Variants in ABCB1 observed in about 807,000 individuals in gnomAD.
The protein encoded by ABCB1 is ATP-dependent translocase ABCB1.
ABCB1 carries 69 observed loss-of-function variants against 142.0 expected under a neutral mutation model. That is an observed-to-expected ratio of 0.49 (90% CI 0.40 to 0.59). The LOEUF (loss-of-function observed/expected upper bound fraction) is 0.59, where lower values mean the gene tolerates loss of function less well. Among genes scored for constraint, ABCB1 ranks in the 20% least tolerant of loss-of-function variants. The probability of loss-of-function intolerance (pLI) is 0.00; values close to 1 mark genes in which losing one functional copy is unlikely to be tolerated. For missense variants in ABCB1, 1,326 were observed against 1,554.7 expected (o/e 0.85, Z 2.47); for synonymous variants, 532 against 539.2 (o/e 0.99, Z 0.18).
intron 1 of ABCB1, among the ~76,000 whole-genome samples, chr7:87,685,197 G>A (rs1827338913): frequency 6.6e-6 from 1 of 152,010 alleles, no homozygotes; most frequent in South Asian, 2.1e-4. Flanking sequence ...TTTGACAAAG[G>A]GATTGTATGC....
chr7:87,545,188 C>A (rs2091766), intron 15 of ABCB1, among the ~76,000 whole-genome samples, 189 bp from the exon 16 acceptor site: 1 of 151,854 alleles, frequency 6.6e-6, no homozygotes, highest in African/African-American at 2.4e-5. Flanking sequence ...TATTTGAAAA[C>A]GAAAACCACC....
At chr7:87,561,166 T>C in intron 8 of ABCB1, 97 bp downstream of exon 8, 3 of 1,415,228 alleles carry the variant, frequency 2.1e-6, no homozygotes. Flanking sequence ...AAAACATATA[T>C]ATGGGAGAAA....
chr7:87,548,986 A>G (rs1816926367), intron 14 of ABCB1, among the ~76,000 whole-genome samples: 1 of 152,222 alleles, frequency 6.6e-6, no homozygotes, highest in South Asian at 2.1e-4. Context: ...CAATATTACA[A>G]ACTCTCAAAA....
chr7:87,546,385 A>G (rs1816779966), intron 14 of ABCB1, among the ~76,000 whole-genome samples: 3 of 152,080 alleles, frequency 2.0e-5, no homozygotes, highest in South Asian at 4.2e-4. Context: ...TCAGGAGATC[A>G]AGACCATCCT....
At chr7:87,602,016 C>G (rs371883081), upstream of ABCB1, among the ~76,000 whole-genome samples, 2 of 152,010 alleles carry the variant, frequency 1.3e-5, no homozygotes, top group African/African-American at 4.8e-5. Context: ...TTTTTTGAGA[C>G]GGAGTCTTGC....
chr7:87,522,678 A>AT (rs1359809533), intron 21 of ABCB1, among the ~76,000 whole-genome samples: 1 of 151,908 alleles, frequency 6.6e-6, no homozygotes, highest in African/African-American at 2.4e-5. Flanking sequence ...TTTAATGTAG[A>AT]TTTTTTTTGG....
intron 27 of ABCB1, 144 bp from the exon 28 acceptor site, chr7:87,504,593 G>T: frequency 9.2e-7 from 1 of 1,081,618 alleles, no homozygotes; most frequent in Non-Finnish European, 1.4e-6. Context: ...CAGATCACAA[G>T]GTCAGATTGA....
At chr7:87,628,277 G>A (rs914021641) in intron 1 of ABCB1, 4 of 152,364 alleles carry the variant, frequency 2.6e-5, no homozygotes, top group Middle Eastern at 3.4e-3. Flanking sequence ...TGAGCCCGCT[G>A]CTTTAAAAGG....
intron 6 of ABCB1, 25 bp downstream of exon 6, chr7:87,566,760 G>T (rs1817798514): frequency 1.2e-6 from 2 of 1,610,658 alleles, no homozygotes; most frequent in Non-Finnish European, 8.5e-7. Flanking sequence ...CGACACCCAA[G>T]TTCAACATAA....
At position 87,519,447 on chromosome 7, in the gene ABCB1, G is replaced by C; in HGVS notation, c.2806C>G (p.His936Asp). The C allele has an allele frequency of 6.2e-7, 1 of 1,614,020 alleles. No individual in the cohort carries two copies. Among genetic ancestry groups the C allele is most frequent in the Non-Finnish European group, 8.5e-7 (1 of 1,179,926 alleles). ...VPYRNSLRKAHIFGITFSFTQ... is the reference protein window; with the variant it reads ...VPYRNSLRKADIFGITFSFTQ... Reference sequence around the variant, plus strand: ...AAGGAAAATGTAATTCCAAAGATGTGTGCTTTCCTCAAAGAGTTTCTGAAA... The same window carrying C: ...AAGGAAAATGTAATTCCAAAGATGTCTGCTTTCCTCAAAGAGTTTCTGAAA... The change falls in exon 23 of 28, where the codon CAC (histidine) becomes GAC (aspartate). Residue 936 changes from histidine (H) to aspartate (D), a missense_variant. Physicochemically the swap from His to Asp is moderately conservative, Grantham distance 81. Transcript: ENST00000622132.
At chr7:87,506,158 C>A in intron 26 of ABCB1, 115 bp from the exon 27 acceptor site, 3 of 1,048,880 alleles carry the variant, frequency 2.9e-6, no homozygotes, top group Non-Finnish European at 4.3e-6. Flanking sequence ...GGTTCAGAAG[C>A]TAAGAATGGT....
intron 1 of ABCB1, among the ~76,000 whole-genome samples, chr7:87,611,222 C>T (rs1243390665): frequency 6.6e-6 from 1 of 152,190 alleles, no homozygotes; most frequent in East Asian, 1.9e-4. Flanking sequence ...CACTTCTCCC[C>T]TTATTCCTTC....
intron 1 of ABCB1, among the ~76,000 whole-genome samples, chr7:87,667,853 T>A (rs1825418002): frequency 6.6e-6 from 1 of 152,172 alleles, no homozygotes; most frequent in South Asian, 2.1e-4. Context: ...TCTTGATGGA[T>A]TAGCTTTTTG....
chr7:87,684,736 G>C (rs1005417899), intron 1 of ABCB1, among the ~76,000 whole-genome samples: 3 of 101,148 alleles, frequency 3.0e-5, no homozygotes, highest in African/African-American at 3.9e-5. Context: ...GACAGAGTGA[G>C]ACTCCGTCTC....
chr7:87,626,186 TGTGTCATATATA>T (rs1820477926), intron 1 of ABCB1, among the ~76,000 whole-genome samples: 2 of 126,210 alleles, frequency 1.6e-5, no homozygotes, highest in East Asian at 2.4e-4. Context: ...GTCATATATA[TGTGTCATATATA>T]TGTCATATAT....
At chr7:87,642,741 T>C (rs193121524) in intron 1 of ABCB1, among the ~76,000 whole-genome samples, 9 of 152,220 alleles carry the variant, frequency 5.9e-5, no homozygotes, top group African/African-American at 1.7e-4. Context: ...TCTAACGTTA[T>C]TTTTTATGTT....
At chr7:87,653,635 G>C (rs1474625688) in intron 1 of ABCB1, among the ~76,000 whole-genome samples, 1 of 151,946 alleles carries the variant, frequency 6.6e-6, no homozygotes, top group African/African-American at 2.4e-5. Context: ...ATCATATTGT[G>C]CTTTGGTCTT....
At chr7:87,504,609 T>C (rs956675335) in intron 27 of ABCB1, among the ~76,000 whole-genome samples, 160 bp from the exon 28 acceptor site, 6 of 152,066 alleles carry the variant, frequency 3.9e-5, no homozygotes, top group Non-Finnish European at 7.4e-5. Flanking sequence ...ATTGAGACCA[T>C]CCTGGCTAAC....
chr7:87,695,485 G>A (rs563463135), intron 1 of ABCB1, among the ~76,000 whole-genome samples: 1 of 152,184 alleles, frequency 6.6e-6, no homozygotes, highest in South Asian at 2.1e-4. Flanking sequence ...AGCTTTTGCA[G>A]TGACATCAGA....
Sources: allele counts gnomAD v4.1 joint callset (sites outside exome capture counted in the v4.1 genomes callset), GRCh38; gene constraint gnomAD v4.1.1; transcripts MANE v1.5; gene names NCBI Gene and HGNC (gene_info 2026-07-23, HGNC 2026-07-21).